The following CSMD1 variants were observed in gnomAD, a reference collection of about 807,000 sequenced individuals.
CSMD1 encodes the protein CUB and Sushi multiple domains 1.
Under a neutral mutation model 417.5 loss-of-function variants are expected in CSMD1, and 213 were observed. The ratio of observed to expected loss-of-function variants is 0.51; its 90% CI spans 0.46 to 0.57. The LOEUF is 0.57. Ranked by LOEUF, CSMD1 falls within the 20% of genes least tolerant of loss-of-function variation. The pLI is 0.00. For missense variants in CSMD1, 6,923 were observed against 4,529.7 expected, an observed-to-expected ratio of 1.53 and a Z score of -15.17; for synonymous variants, 2,862 against 1,736.8, an observed-to-expected ratio of 1.65 and a Z score of -16.11.
chr8:4,826,544 T>C (rs1348926455), intron 1 of CSMD1, among the ~76,000 whole-genome samples: 2 of 152,174 alleles, frequency 1.3e-5, no homozygotes, highest in African/African-American at 4.8e-5. Context: ...TACGTGTCTA[T>C]AATGCGTAGT....
intron 4 of CSMD1, among the ~76,000 whole-genome samples, chr8:4,026,230 G>A (rs1177421404): frequency 6.6e-6 from 1 of 152,122 alleles, no homozygotes; most frequent in Non-Finnish European, 1.5e-5. Context: ...AAACTGTGCT[G>A]CATCATTCAA....
At chr8:4,404,488 G>C (rs528325599) in intron 3 of CSMD1, among the ~76,000 whole-genome samples, 172 of 152,252 alleles carry the variant, frequency 1.1e-3, no homozygotes, top group Non-Finnish European at 2.1e-3. Context: ...GGCATATTGA[G>C]TGATACAAAG....
At chr8:3,476,327 A>G (rs898899612) in intron 11 of CSMD1, among the ~76,000 whole-genome samples, 2 of 152,234 alleles carry the variant, frequency 1.3e-5, no homozygotes, top group East Asian at 1.9e-4. Flanking sequence ...GTTCTCTTAT[A>G]AAAATATACA....
intron 42 of CSMD1, among the ~76,000 whole-genome samples, chr8:3,117,140 A>G (rs1161115137): frequency 6.6e-6 from 1 of 152,154 alleles, no homozygotes; most frequent in Non-Finnish European, 1.5e-5. Context: ...GCACGATCTC[A>G]GGGCACTGCA....
At chr8:4,141,259 G>A (rs1229860960) in intron 3 of CSMD1, among the ~76,000 whole-genome samples, 1 of 151,116 alleles carries the variant, frequency 6.6e-6, no homozygotes, top group Non-Finnish European at 1.5e-5. Flanking sequence ...GCTTGATGCT[G>A]AAATTCCAGC....
chr8:4,896,140 A>T (rs976809941), intron 1 of CSMD1, among the ~76,000 whole-genome samples: 7 of 151,984 alleles, frequency 4.6e-5, no homozygotes, highest in Non-Finnish European at 7.4e-5. Flanking sequence ...TAGCATAAAT[A>T]TTTTTTTAAA....
intron 1 of CSMD1, among the ~76,000 whole-genome samples, chr8:4,796,333 G>C (rs954296831): frequency 1.3e-5 from 2 of 152,060 alleles, no homozygotes; most frequent in East Asian, 3.9e-4. Context: ...CCAACGTGAT[G>C]ATCTTCACAT....
chr8:4,704,683 A>G (rs1362600745), intron 1 of CSMD1, among the ~76,000 whole-genome samples: 1 of 152,210 alleles, frequency 6.6e-6, no homozygotes, highest in East Asian at 1.9e-4. Context: ...TTTTTCCAAA[A>G]GTATTTTGTT....
chr8:4,152,474 G>A (rs1439518190), intron 3 of CSMD1, among the ~76,000 whole-genome samples: 1 of 151,726 alleles, frequency 6.6e-6, no homozygotes, highest in Non-Finnish European at 1.5e-5. Context: ...CAGCAGTTTG[G>A]GCCAAGGAGT....
chr8:4,637,119 C>A (rs893848562), intron 2 of CSMD1, among the ~76,000 whole-genome samples: 1 of 152,124 alleles, frequency 6.6e-6, no homozygotes, highest in Non-Finnish European at 1.5e-5. Context: ...TCGCTCTTAG[C>A]AATAAACCTT....
intron 63 of CSMD1, among the ~76,000 whole-genome samples, chr8:2,957,195 TC>T (rs981456355): frequency 8.0e-4 from 122 of 152,290 alleles, no homozygotes; most frequent in African/African-American, 2.7e-3. Flanking sequence ...CATATATACT[TC>T]CTGTTATAGC....
At chr8:4,783,324 C>T (rs1001139446) in intron 1 of CSMD1, among the ~76,000 whole-genome samples, 2 of 152,092 alleles carry the variant, frequency 1.3e-5, no homozygotes, top group South Asian at 4.2e-4. Flanking sequence ...GCCAGAGTGC[C>T]CCAAGACCCG....
intron 6 of CSMD1, among the ~76,000 whole-genome samples, chr8:3,712,255 C>T (rs997790952): frequency 1.3e-5 from 2 of 152,124 alleles, no homozygotes; most frequent in African/African-American, 2.4e-5. Context: ...GGTGTCTGGA[C>T]ACTTCTCCCC....
At chr8:3,556,417 A>ATATATATATATATT (rs1211477367) in intron 10 of CSMD1, among the ~76,000 whole-genome samples, 20 of 145,140 alleles carry the variant, frequency 1.4e-4, no homozygotes, top group Non-Finnish European at 2.1e-4. Flanking sequence ...ATATATATTC[A>ATATATATATATATT]CACACACAAA....
intron 1 of CSMD1, among the ~76,000 whole-genome samples, chr8:4,763,823 A>G (rs1253081506): frequency 6.6e-6 from 1 of 152,220 alleles, no homozygotes; most frequent in East Asian, 1.9e-4. Flanking sequence ...TTAAAGGATC[A>G]TGGTTTAATT....
chr8:3,376,311 T>G (rs1810298405), intron 18 of CSMD1, among the ~76,000 whole-genome samples: 1 of 152,048 alleles, frequency 6.6e-6, no homozygotes, highest in Admixed American at 6.5e-5. Context: ...TAATACTTTT[T>G]CAAATGCCAA....
chr8:4,480,042 C>T (rs1801008662), intron 2 of CSMD1, among the ~76,000 whole-genome samples: 1 of 151,632 alleles, frequency 6.6e-6, no homozygotes, highest in African/African-American at 2.4e-5. Flanking sequence ...ATCATTCTCC[C>T]TGGAGAATGT....
intron 1 of CSMD1, among the ~76,000 whole-genome samples, chr8:4,900,673 G>C (rs956718374): frequency 2.0e-5 from 3 of 152,126 alleles, no homozygotes; most frequent in African/African-American, 7.2e-5. Flanking sequence ...GCTGTCCAAG[G>C]AGATTTGCAA....
chr8:3,222,883 G>C (rs1367121008), intron 28 of CSMD1, among the ~76,000 whole-genome samples: 1 of 152,172 alleles, frequency 6.6e-6, no homozygotes, highest in East Asian at 1.9e-4. Flanking sequence ...AGGAGAAAGT[G>C]AGGGTATGTA....
Sources: gnomAD v4.1 joint callset for allele counts (sites outside exome capture counted in the v4.1 genomes callset) on GRCh38, gnomAD v4.1.1 for gene constraint, MANE v1.5 for transcripts, NCBI Gene and HGNC (gene_info 2026-07-23, HGNC 2026-07-21) for gene names.